Variants in CBX6 observed in about 807,000 individuals in gnomAD.
CBX6 encodes the protein chromobox protein homolog 6.
In CBX6, 7 loss-of-function variants were observed where a neutral mutation model predicts 28.4. The observed-to-expected ratio is 0.25, with a 90% CI of 0.14 to 0.46. CBX6 has a LOEUF of 0.46. CBX6 is among the 20% of genes least tolerant of loss of function. The probability of loss-of-function intolerance (pLI) is 0.99; values close to 1 mark genes in which losing one functional copy is unlikely to be tolerated. For missense variants in CBX6, 512 were observed against 606.1 expected (o/e 0.84, Z 1.63); for synonymous variants, 297 against 273.4 (o/e 1.09, Z -0.85).
At position 38,866,508 on chromosome 22, in the gene CBX6, C is replaced by A. The variant is rs777300626; in HGVS notation, c.940G>T (p.Asp314Tyr). The A allele has an allele frequency of 1.9e-6, 3 of 1,586,612 alleles. No individual in the cohort carries two copies. The highest frequency in any genetic ancestry group is 2.6e-6 in the Non-Finnish European group (3 of 1,172,472). ...GCCGACTCGGGAGGGAGGGACAGGT[C>A]GAGCACCTCCGGCTCGCGCCAGCTG... ...APSWREPEVL[D>Y]LSLPPESAAT... The change falls in exon 5 of 5, where the codon GAC becomes TAC. Residue 314 changes from aspartate to tyrosine, a missense_variant. Asp to Tyr is a radical substitution (Grantham distance 160). Transcript: ENST00000407418. The surrounding 1 kb of genome is among the most constrained non-coding windows in gnomAD (Gnocchi z 7.5).
rs376415368 is a variant in CBX6, at chr22:38,870,681, CAG to C, written c.246+797_246+798del. 7.9e-5 allele frequency: 12 copies of C among 152,390 alleles called. 1 individual carries two copies. Among genetic ancestry groups the C allele is most frequent in the African/African-American group, 2.9e-4 (12 of 41,584 alleles). The allele number at this position is 152,390 out of a possible 1,614,324, so 9.4% of individuals were successfully genotyped here. On this transcript the variant is annotated intron_variant, in intron 4 of 4. Transcript: ENST00000407418. The surrounding 1 kb of genome is among the most constrained non-coding windows in gnomAD (Gnocchi z 4.3). ...AGGCATCCGTAGCACTACAGGAAGA[CAG>C]GGGGCCCACTGAGTCCCACCTGCAG... is the stretch of plus-strand genomic sequence containing the variant.
At position 38,863,207 on chromosome 22, in the gene CBX6, T is replaced by G. The variant is rs1347102636; in HGVS notation, c.*3002A>C. On this transcript the variant is annotated 3_prime_UTR_variant, in exon 5 of 5. Transcript: ENST00000407418. ...CAGAAGGGCAAACTAAAGGTCAGAG[T>G]GGGCACCCAGACAGGGATGGGTCCC... 1 of 151,976 alleles carries G rather than the reference T, an allele frequency of 6.6e-6. No homozygotes were observed. Among genetic ancestry groups the G allele is most frequent in the Non-Finnish European group, 1.5e-5 (1 of 68,018 alleles). The allele number at this position is 151,976 out of a possible 1,614,324, so 9.4% of individuals were successfully genotyped here.
At chr22:38,867,228 G>GGGTGGGGGGC in intron 4 of CBX6, 27 bp from the exon 5 acceptor site, 3 of 518,862 alleles carry the variant, frequency 5.8e-6, no homozygotes, top group Non-Finnish European at 1.1e-5. Context: ...GGGTGGGTGG[G>GGGTGGGGGGC]ACCTCAGGAC....
intron 4 of CBX6, among the ~76,000 whole-genome samples, chr22:38,867,703 C>T (rs2146214264): frequency 6.6e-6 from 1 of 152,358 alleles, no homozygotes; most frequent in African/African-American, 2.4e-5. Flanking sequence ...CCTGCTGAGC[C>T]ACCATGTCCC....
chr22:38,866,844 C>A lies in CBX6; in HGVS notation c.604G>T (p.Val202Phe), dbSNP rs1361073648. ...CCTATAACGCGGTTCCGCGAGGGGA[C>A]TTTGGGGCGGGCCAGCGCCCCGGCC... is the stretch of plus-strand genomic sequence containing the variant. ...QGAGALARPK[V>F]PSRNRVIGKS... The change falls in exon 5 of 5, where the codon GTC becomes TTC. Residue 202 changes from valine (V) to phenylalanine (F), a missense_variant. Val to Phe is a conservative substitution (Grantham distance 50). Coordinates refer to ENST00000407418, the MANE Select transcript of CBX6 (RefSeq NM_014292.5). The surrounding 1 kb of genome is among the most constrained non-coding windows in gnomAD (Gnocchi z 7.5). The A allele has an allele frequency of 6.2e-7, 1 of 1,611,324 alleles. No homozygotes were observed. Among genetic ancestry groups the A allele is most frequent in the Non-Finnish European group, 8.5e-7 (1 of 1,178,852 alleles).
At position 38,870,951 on chromosome 22, in the gene CBX6, A is replaced by G. The variant is rs557307246; in HGVS notation, c.246+529T>C. 1 of 159,298 alleles carries G rather than the reference A, an allele frequency of 6.3e-6. No individual in the cohort carries two copies. The highest frequency in any genetic ancestry group is 1.4e-5 in the Non-Finnish European group (1 of 71,732). 9.9% of individuals were successfully genotyped at this position (159,298 alleles called of 1,614,324 possible). On this transcript the variant is annotated intron_variant, in intron 4 of 4. Coordinates refer to ENST00000407418, the MANE Select transcript of CBX6 (RefSeq NM_014292.5). This position sits in a 1 kb window ranked among gnomAD's most constrained non-coding sequence, Gnocchi z 4.3. ...TGGCCCAGCCTGGGTGATAAATTCA[A>G]AGTAAAATGATTTGAGGTCAAATTC... is the stretch of plus-strand genomic sequence containing the variant.
chr22:38,871,703 G>A lies in CBX6; in HGVS notation c.168C>T (p.Ala56=), dbSNP rs768026232. ...ENILDSRLIA[A]FEQKEREREL... ...CCCCAACAACTCACTTTTGTTCGAA[G>A]GCTGCAATGAGCCGCGAGTCCAGGA... is the stretch of plus-strand genomic sequence containing the variant. Residue 56 remains alanine (A), a synonymous_variant, in exon 3 of 5, where the codon GCC becomes GCT. Transcript: ENST00000407418. This position sits in a 1 kb window ranked among gnomAD's most constrained non-coding sequence, Gnocchi z 5.6. The A allele has an allele frequency of 1.9e-6, 3 of 1,613,512 alleles. No individual in the cohort carries two copies. The highest frequency in any genetic ancestry group is 1.1e-5 in the South Asian group (1 of 91,030).
rs1333957002 is a variant in CBX6, at chr22:38,866,349, T to C, written c.1099A>G (p.Asn367Asp). The C allele has an allele frequency of 2.5e-6, 4 of 1,613,620 alleles. No individual in the cohort carries two copies. Among genetic ancestry groups the C allele is most frequent in the Non-Finnish European group, 3.4e-6 (4 of 1,179,956 alleles). Residue 367 changes from asparagine (N) to aspartate (D), a missense_variant, in exon 5 of 5, where the codon AAT becomes GAT. By Grantham distance (23) the Asn-to-Asp change is conservative. Coordinates refer to ENST00000407418, the MANE Select transcript of CBX6 (RefSeq NM_014292.5). The surrounding 1 kb of genome is among the most constrained non-coding windows in gnomAD (Gnocchi z 7.5). ...DWRPEMSPCS[N>D]VVVTDVTSNL... is the part of the protein sequence containing the mutation. ...CTGGTGACATCGGTGACGACCACAT[T>C]GGAGCAGGGTGACATCTCGGGGCGC...
chr22:38,866,558 GGGA>G lies in CBX6; in HGVS notation c.887_889del (p.Leu296del). On this transcript the variant is annotated inframe_deletion, in exon 5 of 5. Coordinates refer to ENST00000407418, the MANE Select transcript of CBX6 (RefSeq NM_014292.5). The surrounding 1 kb of genome is among the most constrained non-coding windows in gnomAD (Gnocchi z 7.5). Reference sequence around the variant, plus strand: ...GGGGGCGGATGGGCTCACGGTCTCGGGGAGGAGCTTGGGGGGCGTGTCGTCGGG... The same window carrying G: ...GGGGGCGGATGGGCTCACGGTCTCGGGGAGCTTGGGGGGCGTGTCGTCGGG... 1 of 1,578,398 alleles carries G rather than the reference GGGA, an allele frequency of 6.3e-7. No homozygotes were observed. The highest frequency in any genetic ancestry group is 8.6e-7 in the Non-Finnish European group (1 of 1,169,556).
chr22:38,861,510 C>G lies in CBX6; in HGVS notation c.*4699G>C, dbSNP rs1238151606. On this transcript the variant is annotated 3_prime_UTR_variant, in exon 5 of 5. Coordinates refer to ENST00000407418, the MANE Select transcript of CBX6 (RefSeq NM_014292.5). ...TATTTGGGGGGTAAAAGAGGCTTTT[C>G]ACCCCCCTTTCCTGGCGTTGATACA... The G allele has an allele frequency of 3.3e-5, 5 of 152,242 alleles. No homozygotes were observed. Among genetic ancestry groups the G allele is most frequent in the African/African-American group, 1.2e-4 (5 of 41,454 alleles). The allele number at this position is 152,242 out of a possible 1,614,324, so 9.4% of individuals were successfully genotyped here.
At position 38,871,419 on chromosome 22, in the gene CBX6, C is replaced by T; in HGVS notation, c.246+61G>A. The stretch of plus-strand genomic sequence containing the variant: ...CGTATCTGTCCCTCCCTTCCAGGCC[C>T]CGTGCTGTGCCGGGGCTGGGGGCCC... On this transcript the variant is annotated intron_variant, in intron 4 of 4. Transcript: ENST00000407418. This position sits in a 1 kb window ranked among gnomAD's most constrained non-coding sequence, Gnocchi z 5.6. 6.6e-7 allele frequency: 1 copy of T among 1,511,006 alleles called. No homozygotes were observed. Among genetic ancestry groups the T allele is most frequent in the Non-Finnish European group, 9.0e-7 (1 of 1,109,758 alleles). The allele number at this position is 1,511,006 out of a possible 1,614,324, so 93.6% of individuals were successfully genotyped here.
intron 4 of CBX6, among the ~76,000 whole-genome samples, chr22:38,867,770 C>G (rs914262207): frequency 1.3e-5 from 2 of 152,256 alleles, no homozygotes; most frequent in African/African-American, 4.8e-5. Flanking sequence ...CAGCCTGTCT[C>G]CTCAGCTGGC....
chr22:38,866,804 A>G lies in CBX6; in HGVS notation c.644T>C (p.Phe215Ser). 1 of 1,612,538 alleles carries G rather than the reference A, an allele frequency of 6.2e-7. No homozygotes were observed. The highest frequency in any genetic ancestry group is 8.5e-7 in the Non-Finnish European group (1 of 1,179,416). ...RNRVIGKSKK[F>S]SESVLRTQIR... ...CTGTGTACGCAGGACGCTCTCGCTG[A>G]ACTTCTTGCTCTTGCCTATAACGCG... The change falls in exon 5 of 5, where the codon TTC becomes TCC. Residue 215 changes from phenylalanine to serine, a missense_variant. Coordinates refer to ENST00000407418, the MANE Select transcript of CBX6 (RefSeq NM_014292.5). The surrounding 1 kb of genome is among the most constrained non-coding windows in gnomAD (Gnocchi z 7.5).
chr22:38,867,228 G>GGGGGCTGGGGGGGGGGGGGGGGGC, intron 4 of CBX6, 27 bp from the exon 5 acceptor site: 3 of 518,862 alleles, frequency 5.8e-6, no homozygotes, highest in Non-Finnish European at 3.6e-6. Context: ...GGGTGGGTGG[G>GGGGGCTGGGGGGGGGGGGGGGGGC]ACCTCAGGAC....
rs781375658 is a variant in CBX6, at chr22:38,866,204, C to A, written c.*5G>T. 6 of 1,584,010 alleles carry A rather than the reference C, an allele frequency of 3.8e-6. No individual in the cohort carries two copies. The highest frequency in any genetic ancestry group is 1.3e-5 in the African/African-American group (1 of 74,260). On this transcript the variant is annotated 3_prime_UTR_variant, in exon 5 of 5. Coordinates refer to ENST00000407418, the MANE Select transcript of CBX6 (RefSeq NM_014292.5). The surrounding 1 kb of genome is among the most constrained non-coding windows in gnomAD (Gnocchi z 7.5). Reference sequence around the variant, plus strand: ...CCCCAAGCCCCCCTCCTTGGTGGAGCCCCCTCACTTGCTCGCCCCAATGCT... The same window carrying A: ...CCCCAAGCCCCCCTCCTTGGTGGAGACCCCTCACTTGCTCGCCCCAATGCT...
Position 38,866,589 on chromosome 22 carries a change from C to T in CBX6, c.859G>A (p.Asp287Asn). 6.4e-7 allele frequency: 1 copy of T among 1,571,780 alleles called. No homozygotes were observed. Among genetic ancestry groups the T allele is most frequent in the South Asian group, 1.1e-5 (1 of 87,644 alleles). Residue 287 changes from aspartate (D) to asparagine (N), a missense_variant, in exon 5 of 5, where the codon GAC (aspartate) becomes AAC (asparagine). Around this residue, in one of 7 missense-constraint regions of CBX6, gnomAD observed 290 missense variants for 274.1 expected, o/e 1.06. Transcript: ENST00000407418. The surrounding 1 kb of genome is among the most constrained non-coding windows in gnomAD (Gnocchi z 7.5). ...AGCTTGGGGGGCGTGTCGTCGGGGT[C>T]AGAGGACTGTGGTGTAGGCGAGGGG... ...GCPSPTPQSS[D>N]PDDTPPKLLP...
Position 38,863,543 on chromosome 22 carries a change from A to G in CBX6, c.*2666T>C, listed in dbSNP as rs1272869504. On this transcript the variant is annotated 3_prime_UTR_variant, in exon 5 of 5. Coordinates refer to ENST00000407418, the MANE Select transcript of CBX6 (RefSeq NM_014292.5). ...CTAGAGAGGGGAGGAAGGAGGCTCC[A>G]CTCACCCTCGGTCCCATCCACTCGG... The G allele has an allele frequency of 1.3e-5, 2 of 151,514 alleles. No individual in the cohort carries two copies. The highest frequency in any genetic ancestry group is 2.4e-5 in the African/African-American group (1 of 41,132). The allele number at this position is 151,514 out of a possible 1,614,324, so 9.4% of individuals were successfully genotyped here.
At position 38,866,135 on chromosome 22, in the gene CBX6, AGGGTG is replaced by A; in HGVS notation, c.*69_*73del. On this transcript the variant is annotated 3_prime_UTR_variant, in exon 5 of 5. Transcript: ENST00000407418. The surrounding 1 kb of genome is among the most constrained non-coding windows in gnomAD (Gnocchi z 7.5). ...GCACAGGGAGAGAGGGCTGGGGGCA[AGGGTG>A]GGGTGGGAGCAAGAGTATGACTTCG... 1 of 1,069,452 alleles carries A rather than the reference AGGGTG, an allele frequency of 9.4e-7. No homozygotes were observed. Among genetic ancestry groups the A allele is most frequent in the Non-Finnish European group, 1.4e-6 (1 of 739,726 alleles). The allele number at this position is 1,069,452 out of a possible 1,614,324, so 66.2% of individuals were successfully genotyped here.
At position 38,862,550 on chromosome 22, in the gene CBX6, G is replaced by GAAA. The variant is rs1381926973; in HGVS notation, c.*3656_*3658dup. The GAAA allele has an allele frequency of 1.1e-5, 1 of 91,810 alleles. No homozygotes were observed. The highest frequency in any genetic ancestry group is 2.2e-5 in the Non-Finnish European group (1 of 44,554). 5.7% of individuals were successfully genotyped at this position (91,810 alleles called of 1,614,324 possible). A position where few individuals can be genotyped will look rare whatever the true frequency, so the allele number is the denominator to read the frequency against. On this transcript the variant is annotated 3_prime_UTR_variant, in exon 5 of 5. Transcript: ENST00000407418. ...AAAAAAAAAAAAAAAAAAAAAGAAA[G>GAAA]AAAGAAAAAAGAAAAACAAAAGAAA...
Sources: allele counts gnomAD v4.1 joint callset (sites outside exome capture counted in the v4.1 genomes callset), GRCh38; gene constraint gnomAD v4.1.1; regional missense constraint gnomAD v4.1.1; non-coding constraint Gnocchi (gnomAD v3.1); transcripts MANE v1.5; gene names NCBI Gene and HGNC (gene_info 2026-07-23, HGNC 2026-07-21).